The following PEX14 variants were observed in gnomAD, a reference collection of about 807,000 sequenced individuals.
PEX14 encodes the protein peroxisomal membrane protein PEX14.
PEX14 carries 15 observed loss-of-function variants against 49.5 expected under a neutral mutation model. That is an observed-to-expected ratio of 0.30 (90% CI 0.20 to 0.47). The LOEUF is 0.47. PEX14 is among the 20% of genes least tolerant of loss of function. PEX14 has a pLI of 1.00. For missense variants in PEX14, 398 were observed against 494.8 expected (o/e 0.80, Z 1.86); for synonymous variants, 210 against 212.7 (o/e 0.99, Z 0.11).
intron 2 of PEX14, among the ~76,000 whole-genome samples, chr1:10,525,186 T>C (rs1638435198): frequency 6.6e-6 from 1 of 152,220 alleles, no homozygotes; most frequent in Admixed American, 6.5e-5. Context: ...AGAAGGCAAC[T>C]GGACTGATGT....
At chr1:10,498,487 C>T (rs74994354) in intron 2 of PEX14, among the ~76,000 whole-genome samples, 2,098 of 152,240 alleles carry the variant, frequency 0.014, 28 homozygotes, top group Non-Finnish European at 0.015. Context: ...AAAACTGTCT[C>T]GAGATTTTGT....
At chr1:10,515,956 A>G (rs1641962532) in intron 2 of PEX14, among the ~76,000 whole-genome samples, 1 of 152,202 alleles carries the variant, frequency 6.6e-6, no homozygotes, top group Non-Finnish European at 1.5e-5. Context: ...CATGCCAGGA[A>G]ACAAGACAGG....
chr1:10,510,283 GT>G (rs1479506226), intron 2 of PEX14, among the ~76,000 whole-genome samples: 5 of 152,212 alleles, frequency 3.3e-5, no homozygotes, highest in African/African-American at 1.2e-4. Flanking sequence ...CAGAGGTTTT[GT>G]TTGTATTTTC....
intron 2 of PEX14, among the ~76,000 whole-genome samples, chr1:10,508,620 C>T (rs942051070): frequency 6.6e-6 from 1 of 152,226 alleles, no homozygotes; most frequent in African/African-American, 2.4e-5. Context: ...AATGCTCCTG[C>T]CTGCCAGATC....
At chr1:10,513,783 C>G (rs897123180) in intron 2 of PEX14, among the ~76,000 whole-genome samples, 1 of 152,088 alleles carries the variant, frequency 6.6e-6, no homozygotes, top group African/African-American at 2.4e-5. Context: ...AGGGACGTTT[C>G]TATTTTCACT....
intron 3 of PEX14, among the ~76,000 whole-genome samples, chr1:10,558,191 A>T (rs2124523799): frequency 6.6e-6 from 1 of 152,202 alleles, no homozygotes; most frequent in South Asian, 2.1e-4. Flanking sequence ...TATTTTTAAT[A>T]GAGATGGGGT....
chr1:10,563,707 G>A (rs552070911), intron 3 of PEX14, among the ~76,000 whole-genome samples: 2 of 152,182 alleles, frequency 1.3e-5, no homozygotes, highest in East Asian at 1.9e-4. Flanking sequence ...GGTGTATCAC[G>A]AGGTCAGGAG....
chr1:10,571,660 T>C (rs1461322072), intron 3 of PEX14, among the ~76,000 whole-genome samples: 1 of 151,884 alleles, frequency 6.6e-6, no homozygotes, highest in Non-Finnish European at 1.5e-5. Context: ...AATACAAAAA[T>C]TAGCTGGGTG....
chr1:10,587,327 C>A lies in PEX14; in HGVS notation c.170-11911C>A, dbSNP rs549046060. ...AAAAATTAGCAGGGCTGGTGGCACA[C>A]TCCTGTAATCCCAGCTTCTCGGTAG... On this transcript the variant is annotated intron_variant, in intron 3 of 8. Transcript: ENST00000356607. Among the ~76,000 whole-genome samples, 37 of 152,076 alleles carry A rather than the reference C, an allele frequency of 2.4e-4. 1 individual carries two copies. Among genetic ancestry groups the A allele is most frequent in the Middle Eastern group, 3.4e-3 (1 of 294 alleles).
chr1:10,577,145 C>T (rs183371111), intron 3 of PEX14, among the ~76,000 whole-genome samples: 24 of 150,816 alleles, frequency 1.6e-4, no homozygotes, highest in Non-Finnish European at 3.4e-4. Context: ...CAGTGGCTCA[C>T]GCCTGTAATG....
intron 3 of PEX14, among the ~76,000 whole-genome samples, chr1:10,590,707 T>C (rs1324847366): frequency 6.6e-6 from 1 of 152,212 alleles, no homozygotes; most frequent in Admixed American, 6.5e-5. Context: ...TAGCAACCAA[T>C]ACCAGATTCA....
chr1:10,535,802 C>T (rs1403521146), intron 2 of PEX14: 16 of 337,580 alleles, frequency 4.7e-5, no homozygotes, highest in East Asian at 7.7e-5. Flanking sequence ...TGCGTGTGTA[C>T]GTGCGCGTGG....
At chr1:10,500,352 CGACAGAG>C (rs1557813323) in intron 2 of PEX14, among the ~76,000 whole-genome samples, 1 of 111,248 alleles carries the variant, frequency 9.0e-6, no homozygotes, top group Non-Finnish European at 1.7e-5. Context: ...GCAGCCTGGG[CGACAGAG>C]CCAGATTCTG....
intron 3 of PEX14, among the ~76,000 whole-genome samples, chr1:10,569,695 A>C (rs1017962633): frequency 6.6e-6 from 1 of 152,190 alleles, no homozygotes; most frequent in African/African-American, 2.4e-5. Context: ...ATGTGCCTTC[A>C]TGATTTCATC....
At chr1:10,606,483 A>G (rs1197480223) in intron 4 of PEX14, among the ~76,000 whole-genome samples, 1 of 152,170 alleles carries the variant, frequency 6.6e-6, no homozygotes, top group Non-Finnish European at 1.5e-5. Flanking sequence ...TCAGCTTTCC[A>G]TATCCCATAG....
intron 3 of PEX14, among the ~76,000 whole-genome samples, chr1:10,538,416 A>G (rs1218917038): frequency 1.3e-5 from 2 of 152,202 alleles, no homozygotes; most frequent in Admixed American, 6.5e-5. Context: ...TCCTCTAAAG[A>G]GAACCATGTG....
At chr1:10,615,398 G>A (rs1641384095) in intron 4 of PEX14, among the ~76,000 whole-genome samples, 1 of 152,244 alleles carries the variant, frequency 6.6e-6, no homozygotes, top group African/African-American at 2.4e-5. Flanking sequence ...AAATGCTGAT[G>A]AAAACATGCT....
At chr1:10,528,830 G>A (rs989524430) in intron 2 of PEX14, among the ~76,000 whole-genome samples, 11 of 152,104 alleles carry the variant, frequency 7.2e-5, no homozygotes, top group African/African-American at 7.2e-5. Flanking sequence ...TTTTATTTCC[G>A]TTCCTGGCAC....
chr1:10,513,540 A>G (rs564221696), intron 2 of PEX14, among the ~76,000 whole-genome samples: 1 of 152,192 alleles, frequency 6.6e-6, no homozygotes, highest in South Asian at 2.1e-4. Flanking sequence ...AGGGCCTGGG[A>G]GCCAAGTGTC....
Sources: allele counts gnomAD v4.1 joint callset (sites outside exome capture counted in the v4.1 genomes callset), GRCh38; gene constraint gnomAD v4.1.1; transcripts MANE v1.5; gene names NCBI Gene and HGNC (gene_info 2026-07-23, HGNC 2026-07-21).